The following STAG1 variants were observed in gnomAD, a reference collection of about 807,000 sequenced individuals.
STAG1 encodes cohesin subunit SA-1.
STAG1 carries 26 observed loss-of-function variants against 170.9 expected under a neutral mutation model. The ratio of observed to expected loss-of-function variants is 0.15; its 90% CI spans 0.11 to 0.21. STAG1 has a LOEUF of 0.21. STAG1 is among the 10% of genes least tolerant of loss of function. The probability of loss-of-function intolerance (pLI) is 1.00; values close to 1 mark genes in which losing one functional copy is unlikely to be tolerated. For synonymous variants in STAG1, 514 were observed against 497.7 expected (o/e 1.03, Z -0.44); for missense variants, 964 against 1,509.5 (o/e 0.64, Z 5.99).
intron 1 of STAG1, among the ~76,000 whole-genome samples, chr3:136,674,776 T>C (rs980079012): frequency 6.6e-6 from 1 of 152,202 alleles, no homozygotes; most frequent in Non-Finnish European, 1.5e-5. Context: ...GCATGTCAAT[T>C]CTAACTCAAT....
At chr3:136,420,000 C>A (rs993520254) in intron 20 of STAG1, among the ~76,000 whole-genome samples, 1 of 151,818 alleles carries the variant, frequency 6.6e-6, no homozygotes, top group Non-Finnish European at 1.5e-5. Flanking sequence ...GTAATCCCAG[C>A]ACTTTGGGAG....
intron 4 of STAG1, among the ~76,000 whole-genome samples, chr3:136,596,747 C>A (rs1183081222): frequency 6.6e-6 from 1 of 152,044 alleles, no homozygotes; most frequent in Non-Finnish European, 1.5e-5. Flanking sequence ...GTACTGGTAC[C>A]TAGAATTCTA....
chr3:136,694,334 G>T (rs1331495690), intron 1 of STAG1, among the ~76,000 whole-genome samples: 1 of 152,100 alleles, frequency 6.6e-6, no homozygotes, highest in Non-Finnish European at 1.5e-5. Context: ...ATTGGAAAGT[G>T]GCTGGGTGCA....
At chr3:136,563,977 C>T (rs1042969587) in intron 5 of STAG1, among the ~76,000 whole-genome samples, 15 of 151,094 alleles carry the variant, frequency 9.9e-5, no homozygotes, top group African/African-American at 3.2e-4. Flanking sequence ...GAGCCGAGAT[C>T]GCACCACCGC....
intron 7 of STAG1, among the ~76,000 whole-genome samples, chr3:136,512,108 A>AAAT (rs1553736759): frequency 6.0e-5 from 9 of 150,498 alleles, no homozygotes; most frequent in Non-Finnish European, 1.3e-4. Context: ...AAAAAAAAAA[A>AAAT]AAAAAAAAAA....
At chr3:136,527,211 C>T (rs58994059) in intron 6 of STAG1, among the ~76,000 whole-genome samples, 6,203 of 152,300 alleles carry the variant, frequency 0.041, 158 homozygotes, top group East Asian at 0.13. Flanking sequence ...TCCATTCTCC[C>T]TGTCACTTTC....
chr3:136,399,505 T>C (rs1247215192), intron 21 of STAG1, among the ~76,000 whole-genome samples: 1 of 152,214 alleles, frequency 6.6e-6, no homozygotes, highest in Non-Finnish European at 1.5e-5. Flanking sequence ...TGAGTCTGAC[T>C]TTTTTCATTT....
At chr3:136,627,646 G>C (rs1940165601) in intron 2 of STAG1, among the ~76,000 whole-genome samples, 1 of 152,036 alleles carries the variant, frequency 6.6e-6, no homozygotes, top group African/African-American at 2.4e-5. Flanking sequence ...TTTCTCTTTA[G>C]GATATATGCA....
intron 12 of STAG1, among the ~76,000 whole-genome samples, chr3:136,468,488 C>T (rs1164881111): frequency 6.6e-6 from 1 of 152,140 alleles, no homozygotes; most frequent in Non-Finnish European, 1.5e-5. Context: ...AGACCAATAA[C>T]AGGCTCTGAA....
chr3:136,586,000 C>T (rs1370536766), intron 4 of STAG1, among the ~76,000 whole-genome samples: 4 of 152,138 alleles, frequency 2.6e-5, no homozygotes, highest in African/African-American at 9.7e-5. Context: ...CTGGATATAG[C>T]TTTATTCATG....
At chr3:136,505,944 T>C (rs371089457) in intron 7 of STAG1, among the ~76,000 whole-genome samples, 1 of 152,166 alleles carries the variant, frequency 6.6e-6, no homozygotes, top group East Asian at 1.9e-4. Context: ...GTATTTAGTC[T>C]GGTTGGAGCA....
chr3:136,710,001 C>T (rs1204221175), intron 1 of STAG1, among the ~76,000 whole-genome samples: 1 of 150,620 alleles, frequency 6.6e-6, no homozygotes. Flanking sequence ...CAACACTGCA[C>T]TCCAGCCTGG....
Position 136,606,027 on chromosome 3 carries a change from T to G in STAG1, c.133-1554A>C, listed in dbSNP as rs190021844. 1.6e-3 allele frequency among the ~76,000 whole-genome samples: 242 copies of G among 152,232 alleles called. 1 individual carries two copies. The highest frequency in any genetic ancestry group is 2.9e-3 in the Non-Finnish European group (195 of 68,024). On this transcript the variant is annotated intron_variant, in intron 3 of 33. Coordinates refer to ENST00000383202, the MANE Select transcript of STAG1 (RefSeq NM_005862.3). The stretch of plus-strand genomic sequence containing the variant: ...TTCATTGCTTAATTTTTAAATAAAC[T>G]TTTTTTAGAACTTTCAGATTTACAA...
chr3:136,426,121 CT>C (rs780602340), intron 16 of STAG1, among the ~76,000 whole-genome samples: 20 of 150,164 alleles, frequency 1.3e-4, no homozygotes, highest in Non-Finnish European at 2.2e-4. Flanking sequence ...AAAAAAAAAA[CT>C]TGTGGCCGGG....
At chr3:136,461,262 G>C (rs2089265383) in intron 13 of STAG1, among the ~76,000 whole-genome samples, 2 of 152,118 alleles carry the variant, frequency 1.3e-5, no homozygotes, top group South Asian at 4.1e-4. Context: ...TTTCCCATAA[G>C]AACTCAAGAC....
At chr3:136,376,979 C>T (rs1375585164) in intron 23 of STAG1, among the ~76,000 whole-genome samples, 1 of 150,842 alleles carries the variant, frequency 6.6e-6, no homozygotes, top group African/African-American at 2.4e-5. Context: ...ATTTTTAGTA[C>T]AGACGGGGTT....
chr3:136,630,354 T>C (rs928595876), intron 2 of STAG1, among the ~76,000 whole-genome samples: 1 of 142,992 alleles, frequency 7.0e-6, no homozygotes, highest in African/African-American at 2.7e-5. Flanking sequence ...AAAGAAAGAA[T>C]CATAATAAAA....
At chr3:136,751,197 T>G (rs959536433) in intron 1 of STAG1, among the ~76,000 whole-genome samples, 2 of 150,060 alleles carry the variant, frequency 1.3e-5, no homozygotes, top group African/African-American at 2.5e-5. Flanking sequence ...TTTTTTTTTG[T>G]CTGTAAGTGT....
At chr3:136,669,696 C>G (rs1425668109) in intron 1 of STAG1, among the ~76,000 whole-genome samples, 1 of 152,082 alleles carries the variant, frequency 6.6e-6, no homozygotes, top group Non-Finnish European at 1.5e-5. Context: ...CATTACAAGA[C>G]TTCGGTGATA....
Sources: allele counts gnomAD v4.1 joint callset (sites outside exome capture counted in the v4.1 genomes callset), GRCh38; gene constraint gnomAD v4.1.1; transcripts MANE v1.5; gene names NCBI Gene and HGNC (gene_info 2026-07-23, HGNC 2026-07-21).